The following EXOC6B variants were observed in gnomAD, a reference collection of about 807,000 sequenced individuals.
The protein encoded by EXOC6B is exocyst complex component 6B, also known as SEC15 homolog B.
In EXOC6B, 54 loss-of-function variants were observed where a neutral mutation model predicts 113.5. That is an observed-to-expected ratio of 0.48 (90% CI 0.38 to 0.60). The LOEUF is 0.60. Among genes scored for constraint, EXOC6B ranks in the 20% least tolerant of loss-of-function variants. The pLI, the probability that EXOC6B is intolerant of heterozygous loss-of-function variation, is 0.00. For synonymous variants in EXOC6B, 357 were observed against 339.0 expected, an observed-to-expected ratio of 1.05 and a Z score of -0.58; for missense variants, 797 against 977.5, an observed-to-expected ratio of 0.82 and a Z score of 2.46.
chr2:72,433,967 A>C (rs1695702169), intron 18 of EXOC6B, among the ~76,000 whole-genome samples: 1 of 151,988 alleles, frequency 6.6e-6, no homozygotes, highest in Non-Finnish European at 1.5e-5. Flanking sequence ...AGAGAGGGCA[A>C]CCTTGTCTTG....
intron 1 of EXOC6B, among the ~76,000 whole-genome samples, chr2:72,821,519 C>A (rs11126384): frequency 0.57 from 85,951 of 151,480 alleles, 29,416 homozygotes; most frequent in East Asian, 0.92. Flanking sequence ...AACTAGTATA[C>A]AAATGGCCAT....
intron 20 of EXOC6B, among the ~76,000 whole-genome samples, chr2:72,314,770 T>C (rs909884935): frequency 1.2e-4 from 18 of 152,182 alleles, no homozygotes; most frequent in Admixed American, 1.1e-3. Context: ...TGTAGAACAA[T>C]TCATGCCTAA....
At chr2:72,319,755 G>A (rs1278487286) in intron 20 of EXOC6B, among the ~76,000 whole-genome samples, 1 of 151,758 alleles carries the variant, frequency 6.6e-6, no homozygotes, top group Non-Finnish European at 1.5e-5. Flanking sequence ...TGTGTTCGTG[G>A]ATTAGAAGAC....
intron 6 of EXOC6B, among the ~76,000 whole-genome samples, chr2:72,649,043 G>A (rs6736649): frequency 6.6e-6 from 1 of 151,996 alleles, no homozygotes; most frequent in Non-Finnish European, 1.5e-5. Flanking sequence ...AGGAGGCTGA[G>A]GTGGGAGGAT....
At chr2:72,753,875 A>C (rs1226956872) in intron 1 of EXOC6B, among the ~76,000 whole-genome samples, 1 of 152,100 alleles carries the variant, frequency 6.6e-6, no homozygotes. Context: ...TCTTTCCTAA[A>C]ACGTCTCTCC....
At chr2:72,244,798 G>A (rs1231554770) in intron 20 of EXOC6B, among the ~76,000 whole-genome samples, 1 of 152,026 alleles carries the variant, frequency 6.6e-6, no homozygotes, top group Non-Finnish European at 1.5e-5. Context: ...GAGGGTGCAG[G>A]ATACAAGATG....
intron 20 of EXOC6B, among the ~76,000 whole-genome samples, chr2:72,257,715 C>G (rs1376004862): frequency 6.6e-6 from 1 of 152,138 alleles, no homozygotes; most frequent in Non-Finnish European, 1.5e-5. Context: ...CCTTCCTATT[C>G]TGAGGAAGAT....
intron 6 of EXOC6B, among the ~76,000 whole-genome samples, chr2:72,603,138 TG>T (rs1482555090): frequency 2.7e-5 from 4 of 150,776 alleles, no homozygotes; most frequent in African/African-American, 9.8e-5. Context: ...GGAATATCAA[TG>T]GCCTTTTAAG....
At chr2:72,768,514 A>G (rs1220035940) in intron 1 of EXOC6B, among the ~76,000 whole-genome samples, 1 of 151,790 alleles carries the variant, frequency 6.6e-6, no homozygotes, top group African/African-American at 2.4e-5. Flanking sequence ...CATGTTGGTC[A>G]GGCTGGTCTC....
chr2:72,648,248 T>G (rs1299814226), intron 6 of EXOC6B, among the ~76,000 whole-genome samples: 1 of 152,198 alleles, frequency 6.6e-6, no homozygotes, highest in African/African-American at 2.4e-5. Context: ...TCACACCAGT[T>G]GGAATGGCGA....
At chr2:72,559,367 TA>T in intron 8 of EXOC6B, 85 bp downstream of exon 8, 1 of 925,642 alleles carries the variant, frequency 1.1e-6, no homozygotes, top group African/African-American at 1.7e-5. Context: ...CTCTTAATAA[TA>T]AACAGAAAAA....
At chr2:72,387,400 G>T (rs909392876) in intron 18 of EXOC6B, among the ~76,000 whole-genome samples, 3 of 151,958 alleles carry the variant, frequency 2.0e-5, no homozygotes, top group African/African-American at 7.2e-5. Context: ...GCTTAGAATT[G>T]GTTTAATTTT....
chr2:72,189,273 G>GT (rs1283583303), intron 20 of EXOC6B, among the ~76,000 whole-genome samples: 1 of 152,014 alleles, frequency 6.6e-6, no homozygotes, highest in Non-Finnish European at 1.5e-5. Flanking sequence ...GAAGAATATA[G>GT]TTCCCCTGCC....
At chr2:72,446,833 G>C (rs113014771) in intron 18 of EXOC6B, among the ~76,000 whole-genome samples, 1 of 152,170 alleles carries the variant, frequency 6.6e-6, no homozygotes, top group Non-Finnish European at 1.5e-5. Flanking sequence ...AATGTTGGCT[G>C]GGCACAGTGG....
rs575017296 is a variant in EXOC6B, at chr2:72,186,878, TC to T, written c.2197-2692del. On this transcript the variant is annotated intron_variant, in intron 20 of 21. Transcript: ENST00000272427. ...TATGGGATCTTTGGGGTGTCGCTTTTCTGGCCGGAAACCTGTGGCCAGTGGC... is the reference window on the plus strand; with the variant it reads ...TATGGGATCTTTGGGGTGTCGCTTTTTGGCCGGAAACCTGTGGCCAGTGGC... Among the ~76,000 whole-genome samples, 6 of 152,338 alleles carry T rather than the reference TC, an allele frequency of 3.9e-5. No homozygotes were observed. The East Asian group carries it at 1.2e-3, about 29-fold the overall frequency.
At chr2:72,371,191 A>T (rs1668670142) in intron 19 of EXOC6B, among the ~76,000 whole-genome samples, 1 of 152,004 alleles carries the variant, frequency 6.6e-6, no homozygotes, top group African/African-American at 2.4e-5. Flanking sequence ...AAGTAACAAG[A>T]TTGAAACCAT....
intron 18 of EXOC6B, among the ~76,000 whole-genome samples, chr2:72,435,264 G>A (rs758746560): frequency 1.3e-5 from 2 of 152,150 alleles, no homozygotes; most frequent in East Asian, 1.9e-4. Flanking sequence ...TGCTATGGTC[G>A]GAGAGACTGT....
intron 20 of EXOC6B, among the ~76,000 whole-genome samples, chr2:72,205,445 G>A (rs1679780568): frequency 6.6e-6 from 1 of 151,956 alleles, no homozygotes; most frequent in African/African-American, 2.4e-5. Flanking sequence ...CCTGCAAAAG[G>A]CCTGTGCTGA....
intron 18 of EXOC6B, chr2:72,461,663 A>G (rs1470413255): frequency 6.6e-6 from 1 of 152,088 alleles, no homozygotes; most frequent in Non-Finnish European, 1.5e-5. Flanking sequence ...TCTGAATATT[A>G]TAATACAATC....
Sources: allele counts gnomAD v4.1 joint callset (sites outside exome capture counted in the v4.1 genomes callset), GRCh38; gene constraint gnomAD v4.1.1; transcripts MANE v1.5; gene names NCBI Gene and HGNC (gene_info 2026-07-23, HGNC 2026-07-21).